The following NALF1 variants were observed in gnomAD, a reference collection of about 807,000 sequenced individuals.
NALF1 encodes the protein family with sequence similarity 155 member A.
In NALF1, 3 loss-of-function variants were observed where a neutral mutation model predicts 48.4. The ratio of observed to expected loss-of-function variants is 0.06; its 90% confidence interval spans 0.03 to 0.16. The LOEUF is 0.16. Among genes scored for constraint, NALF1 ranks in the 10% least tolerant of loss-of-function variants. The pLI, the probability that NALF1 is intolerant of heterozygous loss-of-function variation, is 1.00. For missense variants in NALF1, 526 were observed against 571.5 expected (o/e 0.92, Z 0.81); for synonymous variants, 262 against 245.7 (o/e 1.07, Z -0.62).
At chr13:107,690,714 T>A (rs1051468843) in intron 1 of NALF1, among the ~76,000 whole-genome samples, 2 of 152,190 alleles carry the variant, frequency 1.3e-5, no homozygotes, top group Non-Finnish European at 2.9e-5. Context: ...GAATGATTGA[T>A]GAGTTTCTGA....
intron 2 of NALF1, among the ~76,000 whole-genome samples, chr13:107,174,516 T>A (rs1355721273): frequency 6.6e-6 from 1 of 151,388 alleles, no homozygotes; most frequent in Non-Finnish European, 1.5e-5. Flanking sequence ...CCAACACACC[T>A]GGCTAATTTT....
chr13:107,845,643 TTG>T (rs1436083331), intron 1 of NALF1, among the ~76,000 whole-genome samples: 2 of 152,190 alleles, frequency 1.3e-5, no homozygotes, highest in Non-Finnish European at 2.9e-5. Context: ...GATAATGCAA[TTG>T]AGAATAATCT....
intron 1 of NALF1, among the ~76,000 whole-genome samples, chr13:107,534,093 G>T (rs1405829789): frequency 6.6e-6 from 1 of 152,026 alleles, no homozygotes; most frequent in Non-Finnish European, 1.5e-5. Context: ...GTGGTCATTG[G>T]CCCAGTGGCA....
chr13:107,740,681 A>C (rs1474346056), intron 1 of NALF1, among the ~76,000 whole-genome samples: 1 of 152,010 alleles, frequency 6.6e-6, no homozygotes, highest in African/African-American at 2.4e-5. Context: ...GATATTACTG[A>C]ATGTGCTCAC....
intron 1 of NALF1, among the ~76,000 whole-genome samples, chr13:107,488,293 GT>G (rs1362166462): frequency 6.7e-6 from 1 of 149,456 alleles, no homozygotes; most frequent in Non-Finnish European, 1.5e-5. Context: ...TCTGATTTTG[GT>G]TATTTCTTGT....
chr13:107,384,182 G>C (rs1252329732), intron 1 of NALF1, among the ~76,000 whole-genome samples: 1 of 152,146 alleles, frequency 6.6e-6, no homozygotes, highest in Admixed American at 6.5e-5. Context: ...GAGCCCAGGA[G>C]GTTGAGGTTG....
intron 2 of NALF1, among the ~76,000 whole-genome samples, chr13:107,200,281 C>G (rs995342259): frequency 1.3e-5 from 2 of 152,160 alleles, no homozygotes; most frequent in African/African-American, 4.8e-5. Context: ...CTTTGACAGA[C>G]GGGCATCCCA....
At chr13:107,662,057 G>C (rs1156903778) in intron 1 of NALF1, among the ~76,000 whole-genome samples, 1 of 152,180 alleles carries the variant, frequency 6.6e-6, no homozygotes, top group African/African-American at 2.4e-5. Flanking sequence ...GTCAGGGTTG[G>C]AGGAGGACAG....
At chr13:107,364,109 A>G (rs901125004) in intron 1 of NALF1, among the ~76,000 whole-genome samples, 1 of 152,240 alleles carries the variant, frequency 6.6e-6, no homozygotes, top group South Asian at 2.1e-4. Flanking sequence ...TTACTGAGAA[A>G]CAAAAGCTGC....
At chr13:107,489,866 T>A (rs1252128373) in intron 1 of NALF1, among the ~76,000 whole-genome samples, 1 of 152,132 alleles carries the variant, frequency 6.6e-6, no homozygotes, top group Non-Finnish European at 1.5e-5. Flanking sequence ...ATATCCAGCA[T>A]CTATAAGAAG....
intron 2 of NALF1, among the ~76,000 whole-genome samples, chr13:107,183,811 G>A (rs66918741): frequency 0.29 from 44,719 of 152,008 alleles, 7,898 homozygotes; most frequent in Middle Eastern, 0.43. Flanking sequence ...CATGGGCACA[G>A]AGAGGGTAGC....
chr13:107,364,842 T>G (rs1883123646), intron 1 of NALF1, among the ~76,000 whole-genome samples: 1 of 152,036 alleles, frequency 6.6e-6, no homozygotes, highest in Non-Finnish European at 1.5e-5. Context: ...AAAGGCACAT[T>G]TCACCATTTC....
intron 1 of NALF1, among the ~76,000 whole-genome samples, chr13:107,721,109 TACAC>T (rs66578211): frequency 0.51 from 73,397 of 143,558 alleles, 18,902 homozygotes; most frequent in Non-Finnish European, 0.56. Flanking sequence ...CAGATCTCAA[TACAC>T]ACACACACAC....
chr13:107,826,180 G>A (rs540199728), intron 1 of NALF1, among the ~76,000 whole-genome samples: 2 of 152,214 alleles, frequency 1.3e-5, no homozygotes, highest in Non-Finnish European at 2.9e-5. Flanking sequence ...TTAGACTGAG[G>A]AAAAGCAGAG....
intron 1 of NALF1, among the ~76,000 whole-genome samples, chr13:107,360,435 A>G (rs910869085): frequency 6.6e-6 from 1 of 152,180 alleles, no homozygotes. Flanking sequence ...CTTTCACATC[A>G]TGAAAATTGG....
At chr13:107,534,377 C>T (rs1876739275) in intron 1 of NALF1, among the ~76,000 whole-genome samples, 1 of 151,936 alleles carries the variant, frequency 6.6e-6, no homozygotes, top group South Asian at 2.1e-4. Context: ...ATTTGTAATT[C>T]AGTTAAAAAA....
chr13:107,821,813 T>C (rs757846792), intron 1 of NALF1, among the ~76,000 whole-genome samples: 13 of 152,222 alleles, frequency 8.5e-5, no homozygotes, highest in Non-Finnish European at 1.6e-4. Context: ...AATGTATTTG[T>C]AAAATACTGT....
At position 107,522,080 on chromosome 13, in the gene NALF1, T is replaced by C. The variant is rs116209797; in HGVS notation, c.916-311325A>G. Among the ~76,000 whole-genome samples the C allele has an allele frequency of 2.1e-3, 318 of 152,228 alleles. 1 individual carries two copies. The highest frequency in any genetic ancestry group is 7.5e-3 in the African/African-American group (312 of 41,544). On this transcript the variant is annotated intron_variant, in intron 1 of 2. Coordinates refer to ENST00000375915, the MANE Select transcript of NALF1 (RefSeq NM_001080396.3). ...AAAAGGAGACAATTAGAGATACTGT[T>C]AAAGGTAATAAAGAAATAAATCCTC...
At chr13:107,756,658 T>C (rs925777064) in intron 1 of NALF1, among the ~76,000 whole-genome samples, 7 of 152,114 alleles carry the variant, frequency 4.6e-5, no homozygotes, top group Non-Finnish European at 1.0e-4. Flanking sequence ...AATGATCGCT[T>C]ATGGCCCCCA....
Sources: allele counts gnomAD v4.1 joint callset (sites outside exome capture counted in the v4.1 genomes callset), GRCh38; gene constraint gnomAD v4.1.1; transcripts MANE v1.5; gene names NCBI Gene and HGNC (gene_info 2026-07-23, HGNC 2026-07-21).